Variants in CENPO observed in about 807,000 individuals in gnomAD.
CENPO encodes the protein centromere protein O.
CENPO carries 30 observed loss-of-function variants against 36.1 expected under a neutral mutation model. That is an observed-to-expected ratio of 0.83 (90% CI 0.62 to 1.13). The LOEUF is 1.13. Among genes scored for constraint, CENPO ranks in the 50% most tolerant of loss-of-function variants. CENPO has a pLI of 0.00. For missense variants in CENPO, 349 were observed against 357.8 expected, an observed-to-expected ratio of 0.98 and a Z score of 0.20; for synonymous variants, 171 against 142.3, an observed-to-expected ratio of 1.20 and a Z score of -1.44.
In CENPO at chr2:24,820,302, G is replaced by A. The variant is rs1422108364; in HGVS notation, c.*984G>A. 1.5e-6 allele frequency: 2 copies of A among 1,306,824 alleles called. No individual in the cohort carries two copies. The highest frequency in any genetic ancestry group is 2.9e-5 in the East Asian group (1 of 34,464). The allele number at this position is 1,306,824 out of a possible 1,614,324, so 81.0% of individuals were successfully genotyped here. On this transcript the variant is annotated 3_prime_UTR_variant, in exon 8 of 8. Transcript: ENST00000380834. Reference sequence around the variant, plus strand: ...GCAGCGGGTGGGAAGGAGAACCCTGGAGTGACTGGCTGGGGGCCTCCTCTC... The same window carrying A: ...GCAGCGGGTGGGAAGGAGAACCCTGAAGTGACTGGCTGGGGGCCTCCTCTC...
At position 24,807,914 on chromosome 2, in the gene CENPO, ATCT is replaced by A. The variant is rs1395537026; in HGVS notation, c.217-6458_217-6456del. On this transcript the variant is annotated intron_variant, in intron 3 of 7. Transcript: ENST00000380834. ...GAATCCCTGTATTGAACATTTGAAA[ATCT>A]TCTGTTGCAAAGTGTGCTTTATTCA... Among the ~76,000 whole-genome samples, 3 of 152,336 alleles carry A rather than the reference ATCT, an allele frequency of 2.0e-5. No homozygotes were observed. The East Asian group carries it at 5.8e-4, about 29-fold the overall frequency.
At position 24,793,974 on chromosome 2, in the gene CENPO, A is replaced by T. The variant is rs374001843; in HGVS notation, c.46+9A>T. 204 of 1,602,910 alleles carry T rather than the reference A, an allele frequency of 1.3e-4. No homozygotes were observed. Among genetic ancestry groups the T allele is most frequent in the Non-Finnish European group, 1.7e-4 (197 of 1,169,848 alleles). On this transcript the variant is annotated intron_variant, in intron 2 of 7. Transcript: ENST00000380834. Reference sequence around the variant, plus strand: ...TGGCGAGTCCAAAGGAGGTATTCAGAGGGTCGCCGCCTCCTTCCTGCTGCT... The same window carrying T: ...TGGCGAGTCCAAAGGAGGTATTCAGTGGGTCGCCGCCTCCTTCCTGCTGCT...
At chr2:24,799,231 CA>C (rs1052018335) in intron 2 of CENPO, among the ~76,000 whole-genome samples, 2 of 152,224 alleles carry the variant, frequency 1.3e-5, no homozygotes, top group African/African-American at 4.8e-5. Flanking sequence ...CTCCTGACCT[CA>C]GGTGATCCAC....
chr2:24,801,965 A>G (rs981402762), intron 3 of CENPO, among the ~76,000 whole-genome samples: 3 of 152,150 alleles, frequency 2.0e-5, no homozygotes, highest in African/African-American at 7.2e-5. Context: ...ATGAGCATGG[A>G]ATGTTCTCCC....
intron 2 of CENPO, among the ~76,000 whole-genome samples, chr2:24,798,369 T>C (rs1666008504): frequency 6.6e-6 from 1 of 152,076 alleles, no homozygotes; most frequent in South Asian, 2.1e-4. Flanking sequence ...AAAGGGTAAC[T>C]GATCATTTAG....
At chr2:24,814,117 C>T (rs1666829441) in intron 3 of CENPO, among the ~76,000 whole-genome samples, 1 of 152,190 alleles carries the variant, frequency 6.6e-6, no homozygotes, top group African/African-American at 2.4e-5. Flanking sequence ...TTTCTTGCTG[C>T]TCTCTCAGTC....
chr2:24,813,358 T>G (rs1410542467), intron 3 of CENPO, among the ~76,000 whole-genome samples: 1 of 152,214 alleles, frequency 6.6e-6, no homozygotes, highest in Non-Finnish European at 1.5e-5. Flanking sequence ...TCACCTTTAT[T>G]CAGTTGAGGT....
intron 4 of CENPO, 150 bp from the exon 5 acceptor site, chr2:24,815,347 A>C: frequency 1.5e-6 from 1 of 646,746 alleles, no homozygotes. Context: ...GCCGGAGCCA[A>C]GGGGAAGAAT....
chr2:24,820,558 G>T lies in CENPO; in HGVS notation c.*1240G>T. 1 of 1,415,186 alleles carries T rather than the reference G, an allele frequency of 7.1e-7. No individual in the cohort carries two copies. The allele number at this position is 1,415,186 out of a possible 1,614,324, so 87.7% of individuals were successfully genotyped here. A position where few individuals can be genotyped will look rare whatever the true frequency, so the allele number is the denominator to read the frequency against. On this transcript the variant is annotated 3_prime_UTR_variant, in exon 8 of 8. Transcript: ENST00000380834. Reference sequence around the variant, plus strand: ...GATGGGTGGAAGTGTTTCTTCCTGTGCTGAGGCTAGCTATTGCAGAGATTC... The same window carrying T: ...GATGGGTGGAAGTGTTTCTTCCTGTTCTGAGGCTAGCTATTGCAGAGATTC...
At chr2:24,801,916 G>T (rs1666181176) in intron 3 of CENPO, among the ~76,000 whole-genome samples, 1 of 152,174 alleles carries the variant, frequency 6.6e-6, no homozygotes, top group East Asian at 1.9e-4. Flanking sequence ...ATTAGCTTGG[G>T]CAGTATGGCC....
intron 4 of CENPO, 133 bp from the exon 5 acceptor site, chr2:24,815,364 A>G (rs1470673465): frequency 2.8e-6 from 2 of 713,824 alleles, no homozygotes; most frequent in Non-Finnish European, 5.0e-6. Context: ...GAATGAGCCT[A>G]TGATACTCAT....
chr2:24,820,695 G>A lies in CENPO; in HGVS notation c.*1377G>A. ...GGTTTTGTTCTCATGCCGAGTCTGA[G>A]CACGTGCCAGCTGTGCCACTGGACA... On this transcript the variant is annotated 3_prime_UTR_variant, in exon 8 of 8. Transcript: ENST00000380834. The A allele has an allele frequency of 6.2e-7, 1 of 1,613,426 alleles. No individual in the cohort carries two copies. Among genetic ancestry groups the A allele is most frequent in the Non-Finnish European group, 8.5e-7 (1 of 1,179,596 alleles).
chr2:24,815,643 C>G lies in CENPO; in HGVS notation c.481C>G (p.Leu161Val), dbSNP rs1666907081. The change falls in exon 5 of 8, where the codon CTG becomes GTG. Residue 161 changes from leucine (L) to valine (V), a missense_variant. Transcript: ENST00000380834. Reference sequence around the variant, plus strand: ...CCATTCAGTCCCAGTCTTCATTCCCCTGGAAGAGATAGCTGCAAAATATTT... The same window carrying G: ...CCATTCAGTCCCAGTCTTCATTCCCGTGGAAGAGATAGCTGCAAAATATTT... ...HHHSVPVFIP[L>V]EEIAAKYLQT... is the part of the protein sequence containing the mutation. The G allele has an allele frequency of 6.2e-7, 1 of 1,614,216 alleles. No homozygotes were observed. Among genetic ancestry groups the G allele is most frequent in the Admixed American group, 1.7e-5 (1 of 60,022 alleles).
At chr2:24,798,597 A>C (rs1395618924) in intron 2 of CENPO, among the ~76,000 whole-genome samples, 7 of 151,674 alleles carry the variant, frequency 4.6e-5, no homozygotes, top group Non-Finnish European at 1.0e-4. Flanking sequence ...AGTAGCTGGG[A>C]CTACAGGTGC....
intron 3 of CENPO, among the ~76,000 whole-genome samples, chr2:24,810,173 A>G (rs1405464084): frequency 2.0e-5 from 3 of 151,918 alleles, no homozygotes; most frequent in Non-Finnish European, 2.9e-5. Flanking sequence ...CTATGTTTCT[A>G]TATATATTGG....
chr2:24,820,521 C>G lies in CENPO; in HGVS notation c.*1203C>G, dbSNP rs1456733882. 2.2e-5 allele frequency: 31 copies of G among 1,410,680 alleles called. No individual in the cohort carries two copies. The highest frequency in any genetic ancestry group is 2.9e-5 in the African/African-American group (2 of 68,978). 87.4% of individuals were successfully genotyped at this position (1,410,680 alleles called of 1,614,324 possible). Reference sequence around the variant, plus strand: ...GGCCATATGCATCTAGAACTTCAGCCCAGATTTTGTGGATGGGTGGAAGTG... The same window carrying G: ...GGCCATATGCATCTAGAACTTCAGCGCAGATTTTGTGGATGGGTGGAAGTG... On this transcript the variant is annotated 3_prime_UTR_variant, in exon 8 of 8. Transcript: ENST00000380834.
rs1404330052 is a variant in CENPO at position 24,805,768 on chromosome 2, G to A, written c.216+5924G>A. ...ATGCCTCCCAGTTAGGCTACTCGGG[G>A]GTCAGGGACCCACTTGAGGAGGCAG... On this transcript the variant is annotated intron_variant, in intron 3 of 7. Transcript: ENST00000380834. Among the ~76,000 whole-genome samples, 4 of 152,348 alleles carry A rather than the reference G, an allele frequency of 2.6e-5. No individual in the cohort carries two copies. In the East Asian group the frequency reaches 7.7e-4, roughly 29 times the overall value.
chr2:24,800,270 C>G (rs1179849883), intron 3 of CENPO, among the ~76,000 whole-genome samples: 1 of 152,192 alleles, frequency 6.6e-6, no homozygotes, highest in African/African-American at 2.4e-5. Flanking sequence ...CAGAGTGAGA[C>G]TCCGTCTCAA....
intron 7 of CENPO, among the ~76,000 whole-genome samples, chr2:24,818,815 CTG>C (rs1667103213): frequency 1.3e-5 from 2 of 152,256 alleles, no homozygotes; most frequent in Admixed American, 1.3e-4. Flanking sequence ...ATATGAAAAC[CTG>C]TGTCTGGCTG....
Sources: gnomAD v4.1 joint callset for allele counts (sites outside exome capture counted in the v4.1 genomes callset) on GRCh38, gnomAD v4.1.1 for gene constraint, MANE v1.5 for transcripts, NCBI Gene and HGNC (gene_info 2026-07-23, HGNC 2026-07-21) for gene names.